Variants in KAZN observed in about 807,000 individuals in gnomAD.
The protein encoded by KAZN is kazrin.
Under a neutral mutation model 87.4 loss-of-function variants are expected in KAZN, and 40 were observed. The observed-to-expected ratio is 0.46, with a 90% CI of 0.36 to 0.60. KAZN has a LOEUF of 0.60. Among genes scored for constraint, KAZN ranks in the 20% least tolerant of loss-of-function variants. The probability of loss-of-function intolerance (pLI) is 0.00; values close to 1 mark genes in which losing one functional copy is unlikely to be tolerated. For synonymous variants in KAZN, 466 were observed against 458.3 expected, an observed-to-expected ratio of 1.02 and a Z score of -0.22; for missense variants, 898 against 1,073.9, an observed-to-expected ratio of 0.84 and a Z score of 2.29.
At chr1:13,978,433 TAAAAG>T (rs1246906285) in intron 1 of KAZN, among the ~76,000 whole-genome samples, 2 of 149,508 alleles carry the variant, frequency 1.3e-5, no homozygotes, top group Non-Finnish European at 3.0e-5. Context: ...TTCAAGAAAA[TAAAAG>T]AAGATAAATA....
chr1:14,744,641 C>G (rs1441063533), intron 1 of KAZN, among the ~76,000 whole-genome samples: 2 of 152,100 alleles, frequency 1.3e-5, no homozygotes, highest in African/African-American at 4.8e-5. Flanking sequence ...GAGGCTGAGG[C>G]AGGAAGATCA....
At chr1:14,736,708 A>G (rs1400577608) in intron 1 of KAZN, among the ~76,000 whole-genome samples, 1 of 152,180 alleles carries the variant, frequency 6.6e-6, no homozygotes, top group Non-Finnish European at 1.5e-5. Context: ...TTCTATAAAA[A>G]TAAAGAAGAA....
chr1:14,814,795 T>A (rs1404212623), intron 1 of KAZN, among the ~76,000 whole-genome samples: 1 of 152,192 alleles, frequency 6.6e-6, no homozygotes, highest in Non-Finnish European at 1.5e-5. Flanking sequence ...CGTGGGAAGT[T>A]GTCAGCTTCA....
At chr1:14,674,806 T>C (rs1230401230) in intron 1 of KAZN, among the ~76,000 whole-genome samples, 2 of 152,138 alleles carry the variant, frequency 1.3e-5, no homozygotes, top group South Asian at 4.1e-4. Flanking sequence ...TCTTTTTTTT[T>C]AAGACTGGGT....
At chr1:14,238,700 G>A (rs1648647063) in intron 2 of KAZN, among the ~76,000 whole-genome samples, 1 of 152,252 alleles carries the variant, frequency 6.6e-6, no homozygotes, top group Non-Finnish European at 1.5e-5. Context: ...ACTTGGCCAA[G>A]CCCAATGAGC....
intron 8 of KAZN, among the ~76,000 whole-genome samples, chr1:15,074,908 G>T (rs374527676): frequency 1.6e-4 from 24 of 152,278 alleles, no homozygotes; most frequent in African/African-American, 5.3e-4. Flanking sequence ...AGCACAGGGC[G>T]CAATAAACCT....
intron 1 of KAZN, among the ~76,000 whole-genome samples, chr1:14,167,572 C>T (rs1022447157): frequency 2.0e-5 from 3 of 152,034 alleles, no homozygotes; most frequent in South Asian, 2.1e-4. Context: ...AAAATCTAAA[C>T]ATTAGCCAGG....
At chr1:15,005,384 G>A (rs1457814957) in intron 2 of KAZN, among the ~76,000 whole-genome samples, 8 of 152,148 alleles carry the variant, frequency 5.3e-5, no homozygotes, top group Non-Finnish European at 7.3e-5. Context: ...ACACCTCCCC[G>A]AGACTGACCC....
chr1:14,743,713 G>T (rs1214459651), intron 1 of KAZN, among the ~76,000 whole-genome samples: 3 of 152,018 alleles, frequency 2.0e-5, no homozygotes, highest in Non-Finnish European at 4.4e-5. Flanking sequence ...TGTCTGGTGG[G>T]GTCCTCCTCA....
intron 1 of KAZN, among the ~76,000 whole-genome samples, chr1:13,948,882 A>G (rs940070553): frequency 1.4e-4 from 22 of 152,260 alleles, no homozygotes; most frequent in African/African-American, 4.3e-4. Flanking sequence ...AGACATGAAA[A>G]TGGAGGCTTA....
intron 1 of KAZN, among the ~76,000 whole-genome samples, chr1:14,095,200 C>T (rs1644100756): frequency 6.6e-6 from 1 of 152,146 alleles, no homozygotes; most frequent in African/African-American, 2.4e-5. Flanking sequence ...CCCTAGGGGG[C>T]AGTATTTCCC....
In KAZN at chr1:14,580,758, C is replaced by A. The variant is rs182403317; in HGVS notation, c.250-18225C>A. Reference sequence around the variant, plus strand: ...TACTCCTCCCAACCACCCTGTGAAGCCCCTTCTTGCAGTCACCTTTGACCT... The same window carrying A: ...TACTCCTCCCAACCACCCTGTGAAGACCCTTCTTGCAGTCACCTTTGACCT... On this transcript the variant is annotated intron_variant, in intron 2 of 16. Coordinates refer to the KAZN transcript ENST00000636203. 1.7e-3 allele frequency among the ~76,000 whole-genome samples: 260 copies of A among 152,260 alleles called. 3 individuals are homozygous for A. The highest frequency in any genetic ancestry group is 0.014 in the Admixed American group (219 of 15,298).
intron 1 of KAZN, among the ~76,000 whole-genome samples, chr1:14,613,664 A>C (rs1210822381): frequency 6.6e-6 from 1 of 152,266 alleles, no homozygotes; most frequent in Non-Finnish European, 1.5e-5. Context: ...TGGTACATAC[A>C]TGCAAGAAAA....
At chr1:14,861,231 AGCT>A (rs1280192025) in intron 1 of KAZN, among the ~76,000 whole-genome samples, 2 of 152,336 alleles carry the variant, frequency 1.3e-5, no homozygotes, top group East Asian at 3.9e-4. Context: ...TACAAAAATT[AGCT>A]GGGTACGGTG....
chr1:13,976,189 TTCTG>T (rs1638349913), intron 1 of KAZN, among the ~76,000 whole-genome samples: 12 of 152,350 alleles, frequency 7.9e-5, no homozygotes, highest in Middle Eastern at 3.4e-3. Context: ...ATAATGACCA[TTCTG>T]TCTAATTTTT....
chr1:14,843,795 T>C (rs1170140238), intron 1 of KAZN, among the ~76,000 whole-genome samples: 2 of 152,224 alleles, frequency 1.3e-5, no homozygotes, highest in African/African-American at 2.4e-5. Context: ...ATGGTTGTCT[T>C]TTCTGCTAAT....
At chr1:14,643,518 A>G (rs1680568041) in intron 1 of KAZN, among the ~76,000 whole-genome samples, 1 of 152,208 alleles carries the variant, frequency 6.6e-6, no homozygotes. Context: ...TTATGGCTGC[A>G]TAGTATTCCA....
intron 1 of KAZN, among the ~76,000 whole-genome samples, chr1:14,600,044 A>C (rs1676831520): frequency 6.6e-6 from 1 of 152,176 alleles, no homozygotes; most frequent in South Asian, 2.1e-4. Flanking sequence ...CATTCCCTAA[A>C]ATGTACTGTT....
intron 1 of KAZN, among the ~76,000 whole-genome samples, chr1:14,645,515 C>A (rs1405577630): frequency 6.6e-6 from 1 of 152,092 alleles, no homozygotes; most frequent in African/African-American, 2.4e-5. Context: ...AGATCTGTCA[C>A]CTCCCTGGCC....
Sources: allele counts gnomAD v4.1 joint callset (sites outside exome capture counted in the v4.1 genomes callset), GRCh38; gene constraint gnomAD v4.1.1; transcripts MANE v1.5; gene names NCBI Gene and HGNC (gene_info 2026-07-23, HGNC 2026-07-21).